ANO6: variants seen among roughly 807,000 people sequenced by gnomAD.
ANO6 encodes the protein anoctamin-6.
Under a neutral mutation model 117.5 loss-of-function variants are expected in ANO6, and 106 were observed. The observed-to-expected ratio is 0.90, with a 90% CI of 0.77 to 1.06. The LOEUF is 1.06. Among genes scored for constraint, ANO6 ranks in the 50% least tolerant of loss-of-function variants. The pLI is 0.00. For missense variants in ANO6, 955 were observed against 1,121.1 expected, an observed-to-expected ratio of 0.85 and a Z score of 2.12; for synonymous variants, 367 against 385.1, an observed-to-expected ratio of 0.95 and a Z score of 0.55.
chr12:45,347,983 A>G lies in ANO6; in HGVS notation c.346-45A>G, dbSNP rs745658852. The G allele has an allele frequency of 1.9e-6, 3 of 1,581,558 alleles. No individual in the cohort carries two copies. The Admixed American group carries it at 5.0e-5, about 26-fold the overall frequency. ...AAAATCTATGTGTTTTAAAATTGTG[A>G]AAAGAGTTGGTTTCTTGTTCTGCGT... On this transcript the variant is annotated intron_variant, in intron 4 of 19. Coordinates refer to ENST00000320560, the MANE Select transcript of ANO6 (RefSeq NM_001025356.3).
rs141627160 is a variant in ANO6, at chr12:45,429,573, A to T, written c.*262A>T. ...TGATAAATTGGAATTTTACAGAAAA[A>T]GTCCCTCAGTGTGCTTAAAAACCAC... On this transcript the variant is annotated 3_prime_UTR_variant, in exon 20 of 20. Transcript: ENST00000320560. 7.9e-7 allele frequency: 1 copy of T among 1,267,234 alleles called. No homozygotes were observed. Among genetic ancestry groups the T allele is most frequent in the African/African-American group, 1.5e-5 (1 of 65,794 alleles). 78.5% of individuals were successfully genotyped at this position (1,267,234 alleles called of 1,614,324 possible).
intron 9 of ANO6, among the ~76,000 whole-genome samples, chr12:45,369,492 T>G (rs1157347952): frequency 1.3e-5 from 2 of 149,592 alleles, no homozygotes; most frequent in African/African-American, 5.1e-5. Flanking sequence ...CCTGTGTGCA[T>G]TTTTTTGTTT....
At chr12:45,254,189 C>G (rs192047656) in intron 1 of ANO6, among the ~76,000 whole-genome samples, 4 of 152,266 alleles carry the variant, frequency 2.6e-5, no homozygotes, top group African/African-American at 9.6e-5. Context: ...GCCATTCTTA[C>G]GAATGAGGAA....
At chr12:45,373,086 A>C (rs1268087133) in intron 9 of ANO6, among the ~76,000 whole-genome samples, 4 of 152,080 alleles carry the variant, frequency 2.6e-5, no homozygotes, top group Middle Eastern at 3.2e-3. Context: ...AACAGACTTT[A>C]AACCAACAAA....
At chr12:45,293,177 G>C (rs1358428174) in intron 1 of ANO6, among the ~76,000 whole-genome samples, 1 of 152,196 alleles carries the variant, frequency 6.6e-6, no homozygotes, top group Non-Finnish European at 1.5e-5. Context: ...AAGAGCACTA[G>C]TAACTGTACT....
chr12:45,279,065 T>C (rs533830884), intron 1 of ANO6, among the ~76,000 whole-genome samples: 1 of 152,304 alleles, frequency 6.6e-6, no homozygotes, highest in East Asian at 1.9e-4. Flanking sequence ...AGTATCCTCT[T>C]GTCTGAAGAG....
intron 1 of ANO6, among the ~76,000 whole-genome samples, chr12:45,225,896 C>T (rs1565630649): frequency 2.0e-5 from 3 of 152,150 alleles, no homozygotes; most frequent in South Asian, 2.1e-4. Context: ...TTTCCAATTA[C>T]CTTTAGCCAA....
intron 12 of ANO6, among the ~76,000 whole-genome samples, chr12:45,397,921 G>A (rs547555233): frequency 9.2e-5 from 14 of 152,112 alleles, no homozygotes; most frequent in South Asian, 6.2e-4. Context: ...AACATGGCAC[G>A]TGTATACCTA....
chr12:45,315,189 C>T lies in ANO6; in HGVS notation c.150+13096C>T, dbSNP rs114418488. On this transcript the variant is annotated intron_variant, in intron 2 of 19. Coordinates refer to ENST00000320560, the MANE Select transcript of ANO6 (RefSeq NM_001025356.3). ...TGACCACACATGGGTATGGAGACAA[C>T]TTGTGATGCAGCTATTGAGGCCAAA... 6.8e-3 allele frequency among the ~76,000 whole-genome samples: 1,029 copies of T among 152,172 alleles called. 7 individuals are homozygous for T. The highest frequency in any genetic ancestry group is 0.021 in the African/African-American group (891 of 41,534).
chr12:45,402,106 A>C, intron 13 of ANO6, 86 bp downstream of exon 13: 1 of 1,168,444 alleles, frequency 8.6e-7, no homozygotes, highest in East Asian at 2.4e-5. Flanking sequence ...AGGCGTTTCA[A>C]TTCCAGTAGG....
Position 45,403,507 on chromosome 12 carries a change from C to T in ANO6, c.1851C>T (p.Ile617=). The part of the protein sequence containing the change: ...QLTIIMGGKA[I]WNNIQEVLLP... ...CAATAATCATGGGAGGAAAAGCAAT[C>T]TGGAATAACATACAAGAAGTATTAT... is the stretch of plus-strand genomic sequence containing the variant. The change falls in exon 15 of 20, where the codon ATC becomes ATT. Residue 617 remains isoleucine (I), a synonymous_variant. Transcript: ENST00000320560. 1.9e-6 allele frequency: 3 copies of T among 1,613,552 alleles called. No individual in the cohort carries two copies. The highest frequency in any genetic ancestry group is 2.5e-6 in the Non-Finnish European group (3 of 1,179,528).
chr12:45,378,483 T>G (rs1431507036), intron 10 of ANO6, among the ~76,000 whole-genome samples: 1 of 152,106 alleles, frequency 6.6e-6, no homozygotes, highest in African/African-American at 2.4e-5. Context: ...CTGGGAAGGC[T>G]TCTCTGCTCC....
chr12:45,325,101 A>G (rs1483526771), intron 2 of ANO6, among the ~76,000 whole-genome samples: 2 of 152,212 alleles, frequency 1.3e-5, no homozygotes, highest in Non-Finnish European at 1.5e-5. Flanking sequence ...AAGTCAAGCT[A>G]CATTTGTTGT....
chr12:45,363,153 AC>A (rs1941597883), intron 8 of ANO6, among the ~76,000 whole-genome samples: 1 of 152,078 alleles, frequency 6.6e-6, no homozygotes, highest in African/African-American at 2.4e-5. Context: ...CATTATACTT[AC>A]CATTGGAGCA....
intron 19 of ANO6, among the ~76,000 whole-genome samples, chr12:45,426,765 C>G (rs1418960517): frequency 1.3e-5 from 2 of 152,076 alleles, no homozygotes; most frequent in Non-Finnish European, 2.9e-5. Flanking sequence ...TCTTAGTGAT[C>G]CTGGGACTCA....
chr12:45,357,057 T>G (rs185933529), intron 7 of ANO6, among the ~76,000 whole-genome samples: 1 of 152,246 alleles, frequency 6.6e-6, no homozygotes, highest in Non-Finnish European at 1.5e-5. Flanking sequence ...TGTATTTTAA[T>G]GTACTTTCAC....
intron 12 of ANO6, among the ~76,000 whole-genome samples, chr12:45,400,499 A>G (rs1041566926): frequency 1.2e-4 from 19 of 152,238 alleles, no homozygotes; most frequent in African/African-American, 4.3e-4. Context: ...TTAAAGAGCA[A>G]GAAAAACATC....
intron 2 of ANO6, among the ~76,000 whole-genome samples, chr12:45,321,642 C>T (rs1201039977): frequency 3.3e-5 from 5 of 151,986 alleles, no homozygotes; most frequent in South Asian, 4.1e-4. Context: ...AAATGACAGT[C>T]GCGTGTTGTT....
At chr12:45,407,488 C>T (rs935462723) in intron 15 of ANO6, among the ~76,000 whole-genome samples, 7 of 46,622 alleles carry the variant, frequency 1.5e-4, no homozygotes, top group African/African-American at 4.2e-4. Context: ...AGTCACCCCC[C>T]CCCCCCCCCC....
Sources: allele counts gnomAD v4.1 joint callset (sites outside exome capture counted in the v4.1 genomes callset), GRCh38; gene constraint gnomAD v4.1.1; transcripts MANE v1.5; gene names NCBI Gene and HGNC (gene_info 2026-07-23, HGNC 2026-07-21).